MTNAP1: variants seen among roughly 807,000 people sequenced by gnomAD.
The protein encoded by MTNAP1 is mitochondrial nucleoid-associated protein 1.
the MTNAP1 span, chr17:73,242,922 A>G: frequency 6.2e-7 from 1 of 1,613,928 alleles, no homozygotes; most frequent in Non-Finnish European, 8.5e-7. Flanking sequence ...CACCACCATA[A>G]GGAAGAGTGG....
At chr17:73,245,139 T>C in the MTNAP1 span, 1 of 1,612,274 alleles carries the variant, frequency 6.2e-7, no homozygotes, top group Non-Finnish European at 8.5e-7. Context: ...GCCTCTCGGA[T>C]CCTTACATTT....
At chr17:73,243,047 C>T in the MTNAP1 span, 47 of 1,402,966 alleles carry the variant, frequency 3.4e-5, no homozygotes, top group Admixed American at 7.2e-5. Context: ...GGTCCCATTC[C>T]GTTATGTGGA....
chr17:73,237,832 C>A, the MTNAP1 span, among the ~76,000 whole-genome samples: 1 of 151,960 alleles, frequency 6.6e-6, no homozygotes, highest in Non-Finnish European at 1.5e-5. Flanking sequence ...CCAGGTAAGA[C>A]GGGCAGGCAA....
the MTNAP1 span, among the ~76,000 whole-genome samples, chr17:73,240,662 A>T: frequency 2.4e-4 from 37 of 152,362 alleles, no homozygotes; most frequent in Non-Finnish European, 1.5e-5. Context: ...CTTCTCAGGA[A>T]GCCAACTCAT....
chr17:73,237,298 T>C, the MTNAP1 span, among the ~76,000 whole-genome samples: 2 of 152,010 alleles, frequency 1.3e-5, no homozygotes, highest in African/African-American at 4.8e-5. Flanking sequence ...ATTAGCTGGG[T>C]GTGGTGGCGC....
At chr17:73,236,156 CTGGTG>C in the MTNAP1 span, 7 of 1,614,116 alleles carry the variant, frequency 4.3e-6, no homozygotes, top group Non-Finnish European at 5.1e-6. Context: ...GATGTGCCTA[CTGGTG>C]ATTGTCATAT....
the MTNAP1 span, chr17:73,232,820 T>G: frequency 6.5e-6 from 1 of 152,968 alleles, no homozygotes; most frequent in Non-Finnish European, 1.5e-5. Flanking sequence ...GGGTAGGGAA[T>G]CGGGTGCCGG....
the MTNAP1 span, chr17:73,247,143 T>A: frequency 9.7e-7 from 1 of 1,032,216 alleles, no homozygotes; most frequent in Non-Finnish European, 1.5e-6. Flanking sequence ...TTAGGTGGCA[T>A]CCATGGCTGT....
the MTNAP1 span, among the ~76,000 whole-genome samples, chr17:73,235,028 T>C: frequency 0.52 from 78,244 of 151,718 alleles, 20,258 homozygotes; most frequent in East Asian, 0.62. Flanking sequence ...CCAGTCTGGG[T>C]AACACGGACA....
At chr17:73,245,890 A>G in the MTNAP1 span, 1 of 218,084 alleles carries the variant, frequency 4.6e-6, no homozygotes, top group East Asian at 1.8e-4. Flanking sequence ...TCCCACCCCT[A>G]TCTATCCCTT....
At chr17:73,242,165 T>C in the MTNAP1 span, 1 of 901,864 alleles carries the variant, frequency 1.1e-6, no homozygotes, top group Non-Finnish European at 1.7e-6. Flanking sequence ...GGCTTAGCCG[T>C]GGATCCTTCG....
the MTNAP1 span, chr17:73,243,081 T>TTTTTTTTGTTTTTTTTTTG: frequency 1.2e-6 from 1 of 825,558 alleles, no homozygotes; most frequent in African/African-American, 2.0e-5. Flanking sequence ...CTCTGAATTT[T>TTTTTTTTGTTTTTTTTTTG]TTTTTTTTTT....
chr17:73,243,044 T>G, the MTNAP1 span: 1 of 1,458,788 alleles, frequency 6.9e-7, no homozygotes, highest in Non-Finnish European at 9.5e-7. Context: ...ACAGGTCCCA[T>G]TCCGTTATGT....
the MTNAP1 span, chr17:73,236,859 C>T: frequency 3.7e-6 from 6 of 1,614,126 alleles, no homozygotes; most frequent in South Asian, 6.6e-5. Context: ...TTCGCAGCTG[C>T]ATGGGGCTGG....
the MTNAP1 span, among the ~76,000 whole-genome samples, chr17:73,246,955 G>A: frequency 6.6e-6 from 1 of 152,118 alleles, no homozygotes; most frequent in Non-Finnish European, 1.5e-5. Context: ...CTCAAGACCA[G>A]AAACTCTCAA....
At chr17:73,242,800 C>A in the MTNAP1 span, 1 of 857,226 alleles carries the variant, frequency 1.2e-6, no homozygotes. Context: ...AATTACAGTT[C>A]CATCACTCAG....
chr17:73,235,072 A>G, the MTNAP1 span, among the ~76,000 whole-genome samples: 3 of 151,908 alleles, frequency 2.0e-5, no homozygotes, highest in Admixed American at 6.6e-5. Flanking sequence ...AATACAAAAA[A>G]TTAGTCAGGC....
At chr17:73,245,155 T>C in the MTNAP1 span, 709 of 1,613,580 alleles carry the variant, frequency 4.4e-4, 1 homozygote, top group Non-Finnish European at 5.6e-4. Context: ...CATTTGTCTC[T>C]GTTTATCCAA....
At chr17:73,234,833 T>C in the MTNAP1 span, among the ~76,000 whole-genome samples, 1 of 136,032 alleles carries the variant, frequency 7.4e-6, no homozygotes, top group Non-Finnish European at 1.6e-5. Flanking sequence ...TCATTTCTCA[T>C]TCTTTGATTG....
Sources: gnomAD v4.1 joint callset for allele counts (sites outside exome capture counted in the v4.1 genomes callset) on GRCh38, gnomAD v4.1.1 for gene constraint, MANE v1.5 for transcripts, NCBI Gene and HGNC (gene_info 2026-07-23, HGNC 2026-07-21) for gene names.